Variants in ZBTB40 observed in about 807,000 individuals in gnomAD.
ZBTB40 encodes the protein zinc finger and BTB domain containing 40.
In ZBTB40, 60 loss-of-function variants were observed where a neutral mutation model predicts 117.5. The ratio of observed to expected loss-of-function variants is 0.51; its 90% confidence interval spans 0.41 to 0.63. ZBTB40 has a LOEUF of 0.63. ZBTB40 is among the 30% of genes least tolerant of loss of function. ZBTB40 has a pLI of 0.00. For synonymous variants in ZBTB40, 525 were observed against 577.1 expected, an observed-to-expected ratio of 0.91 and a Z score of 1.29; for missense variants, 1,287 against 1,498.5, an observed-to-expected ratio of 0.86 and a Z score of 2.33.
intron 1 of ZBTB40, among the ~76,000 whole-genome samples, chr1:22,476,924 T>A (rs1008474104): frequency 2.6e-5 from 4 of 152,208 alleles, no homozygotes; most frequent in African/African-American, 9.6e-5. Flanking sequence ...TCCACTATGC[T>A]TTCTTACCTC....
At chr1:22,456,224 G>A (rs1398665033) in intron 1 of ZBTB40, among the ~76,000 whole-genome samples, 1 of 152,180 alleles carries the variant, frequency 6.6e-6, no homozygotes, top group African/African-American at 2.4e-5. Flanking sequence ...CTAGCAGAGA[G>A]TGCAGTATTT....
Position 22,526,589 on chromosome 1 carries a change from C to T in ZBTB40, c.*193C>T. 1.5e-6 allele frequency: 1 copy of T among 660,316 alleles called. No individual in the cohort carries two copies. The highest frequency in any genetic ancestry group is 2.9e-5 in the East Asian group (1 of 33,982). The allele number at this position is 660,316 out of a possible 1,614,324, so 40.9% of individuals were successfully genotyped here. A position where few individuals can be genotyped will look rare whatever the true frequency, so the allele number is the denominator to read the frequency against. Reference sequence around the variant, plus strand: ...GAACCAACAGCATCTGAGCCCTCAACACCAACAGCACCATCCTCTGTAGCA... The same window carrying T: ...GAACCAACAGCATCTGAGCCCTCAATACCAACAGCACCATCCTCTGTAGCA... On this transcript the variant is annotated 3_prime_UTR_variant, in exon 18 of 18. Transcript: ENST00000375647.
At chr1:22,465,921 G>T (rs1167852423) in intron 1 of ZBTB40, among the ~76,000 whole-genome samples, 10 of 152,158 alleles carry the variant, frequency 6.6e-5, no homozygotes, top group Non-Finnish European at 2.9e-5. Context: ...CAGGATAATG[G>T]CAGGCCAACT....
chr1:22,455,275 T>A (rs1485396053), intron 1 of ZBTB40, among the ~76,000 whole-genome samples: 1 of 152,224 alleles, frequency 6.6e-6, no homozygotes, highest in Non-Finnish European at 1.5e-5. Context: ...GTTTTCAAAA[T>A]AATGTCACAT....
At chr1:22,484,590 C>A (rs1293255082) in intron 1 of ZBTB40, among the ~76,000 whole-genome samples, 2 of 152,150 alleles carry the variant, frequency 1.3e-5, no homozygotes, top group Admixed American at 1.3e-4. Flanking sequence ...AGTCTGCAAA[C>A]AAAGACAGTT....
chr1:22,443,320 A>G (rs1010498870), intron 1 of ZBTB40, among the ~76,000 whole-genome samples: 2 of 152,164 alleles, frequency 1.3e-5, no homozygotes, highest in Non-Finnish European at 2.9e-5. Context: ...CATTTTAGGG[A>G]GACAGAAGCC....
chr1:22,496,252 A>G (rs1187881845), intron 3 of ZBTB40, among the ~76,000 whole-genome samples: 1 of 152,196 alleles, frequency 6.6e-6, no homozygotes, highest in African/African-American at 2.4e-5. Context: ...GTGACAGACA[A>G]GCCCCACTGG....
rs756842699 is a variant in ZBTB40, at chr1:22,526,221, C to T, written c.3545C>T (p.Pro1182Leu). ...TTTCAGGTGATCCAAACCCCAGAGC[C>T]GGTGGCCCCGACAGAGCAGGTGATC... is the stretch of plus-strand genomic sequence containing the variant. Reference protein sequence around the residue: ...QMAQVIQTPEPVAPTEQVITL... With the variant: ...QMAQVIQTPELVAPTEQVITL... Residue 1182 changes from proline to leucine, a missense_variant, in exon 18 of 18, where the codon CCG becomes CTG. By Grantham distance (98) the Pro-to-Leu change is moderately conservative. Transcript: ENST00000375647. 2.2e-5 allele frequency: 35 copies of T among 1,614,058 alleles called. No individual in the cohort carries two copies. The highest frequency in any genetic ancestry group is 1.6e-4 in the Middle Eastern group (1 of 6,082).
intron 1 of ZBTB40, among the ~76,000 whole-genome samples, chr1:22,440,179 A>C (rs929029730): frequency 6.6e-6 from 1 of 152,160 alleles, no homozygotes; most frequent in Non-Finnish European, 1.5e-5. Flanking sequence ...GTATCCTGCC[A>C]CTTTGTTAAA....
chr1:22,435,906 TAAA>T (rs78821662), intron 1 of ZBTB40, among the ~76,000 whole-genome samples: 1 of 144,732 alleles, frequency 6.9e-6, no homozygotes. Flanking sequence ...CCATCTTTAC[TAAA>T]AAAAAAAAAA....
rs1639064641 is a variant in ZBTB40 at position 22,505,945 on chromosome 1, G to T, written c.1168-104G>T. On this transcript the variant is annotated intron_variant, in intron 5 of 17. Coordinates refer to ENST00000375647, the MANE Select transcript of ZBTB40 (RefSeq NM_014870.4). ...AGAGACCAACAGAAGAGGACTTGGA[G>T]ATCAGGCATCTTGTGATGCTATCTT... The T allele has an allele frequency of 5.2e-6, 6 of 1,159,820 alleles. No individual in the cohort carries two copies. In the African/African-American group the frequency reaches 6.1e-5, roughly 12 times the overall value. The allele number at this position is 1,159,820 out of a possible 1,614,324, so 71.8% of individuals were successfully genotyped here.
At chr1:22,511,369 A>G (rs1639227000) in intron 10 of ZBTB40, 22 bp downstream of exon 10, 1 of 1,612,716 alleles carries the variant, frequency 6.2e-7, no homozygotes, top group African/African-American at 1.3e-5. Flanking sequence ...GCCAGGTGGG[A>G]AGGGGGTTCC....
chr1:22,477,731 A>T (rs1445383123), intron 1 of ZBTB40, among the ~76,000 whole-genome samples: 1 of 152,178 alleles, frequency 6.6e-6, no homozygotes, highest in Non-Finnish European at 1.5e-5. Context: ...CATCATAATA[A>T]ATAAATATTA....
chr1:22,511,201 C>T lies in ZBTB40; in HGVS notation c.1856C>T (p.Thr619Ile). 6.2e-7 allele frequency: 1 copy of T among 1,613,344 alleles called. No individual in the cohort carries two copies. Among genetic ancestry groups the T allele is most frequent in the Non-Finnish European group, 8.5e-7 (1 of 1,179,816 alleles). ...TAGATTCTGAGCATTCCCTCTGAGA[C>T]AGCCAGCCCTGAAGCTTCCCTGAGA... ...VKEILSIPSE[T>I]ASPEASLRAV... Residue 619 changes from threonine (T) to isoleucine (I), a missense_variant, in exon 10 of 18, where the codon ACA becomes ATA. Physicochemically the swap from Thr to Ile is moderately conservative, Grantham distance 89. Around this residue, in one of 2 missense-constraint regions of ZBTB40, gnomAD observed 870 missense variants for 934.4 expected, o/e 0.93. Coordinates refer to ENST00000375647, the MANE Select transcript of ZBTB40 (RefSeq NM_014870.4).
At chr1:22,453,674 C>T (rs1035829404) in intron 1 of ZBTB40, among the ~76,000 whole-genome samples, 4 of 152,192 alleles carry the variant, frequency 2.6e-5, no homozygotes, top group Admixed American at 1.3e-4. Context: ...TACCATTTTA[C>T]GCATAGAGGA....
intron 1 of ZBTB40, among the ~76,000 whole-genome samples, chr1:22,453,978 C>G (rs1395742096): frequency 1.3e-5 from 2 of 152,116 alleles, no homozygotes; most frequent in Non-Finnish European, 2.9e-5. Flanking sequence ...GAGACAGAGT[C>G]TCGCTGTGTT....
In ZBTB40 at chr1:22,490,132, G is replaced by T; in HGVS notation, c.184G>T (p.Asp62Tyr). The change falls in exon 2 of 18, where the codon GAT becomes TAT. Residue 62 changes from aspartate to tyrosine, a missense_variant. By Grantham distance (160) the Asp-to-Tyr change is radical. Around this residue, in one of 2 missense-constraint regions of ZBTB40, gnomAD observed 870 missense variants for 934.4 expected, o/e 0.93. Transcript: ENST00000375647. ...GGATAACACAGATACCATCTCCATC[G>T]ATGCATCTGTGGTGAGCCCCGAGGA... is the stretch of plus-strand genomic sequence containing the variant. Reference protein sequence around the residue: ...LLDNTDTISIDASVVSPEEFA... With the variant: ...LLDNTDTISIYASVVSPEEFA... The T allele has an allele frequency of 6.2e-7, 1 of 1,614,138 alleles. No homozygotes were observed. Among genetic ancestry groups the T allele is most frequent in the Non-Finnish European group, 8.5e-7 (1 of 1,180,032 alleles).
upstream of ZBTB40, among the ~76,000 whole-genome samples, chr1:22,448,848 C>T (rs536154856): frequency 2.6e-5 from 4 of 151,852 alleles, no homozygotes; most frequent in East Asian, 1.9e-4. Flanking sequence ...AGTCTTGCCC[C>T]GTCATCCAGA....
At chr1:22,445,776 A>G (rs1006555073) in intron 1 of ZBTB40, among the ~76,000 whole-genome samples, 1 of 151,628 alleles carries the variant, frequency 6.6e-6, no homozygotes, top group Non-Finnish European at 1.5e-5. Context: ...AATTGCTCGA[A>G]CCTGGGAGGT....
Sources: gnomAD v4.1 joint callset for allele counts (sites outside exome capture counted in the v4.1 genomes callset) on GRCh38, gnomAD v4.1.1 for gene constraint, gnomAD v4.1.1 regional missense constraint, MANE v1.5 for transcripts, NCBI Gene and HGNC (gene_info 2026-07-23, HGNC 2026-07-21) for gene names.